Variants in TTC3 observed in about 807,000 individuals in gnomAD.
TTC3 encodes the protein tetratricopeptide repeat domain 3.
TTC3 carries 180 observed loss-of-function variants against 249.6 expected under a neutral mutation model. That is an observed-to-expected ratio of 0.72 (90% CI 0.64 to 0.82). TTC3 has a LOEUF of 0.82. Among genes scored for constraint, TTC3 ranks in the 40% least tolerant of loss-of-function variants. The pLI, the probability that TTC3 is intolerant of heterozygous loss-of-function variation, is 0.00. For missense variants in TTC3, 2,061 were observed against 2,398.4 expected, an observed-to-expected ratio of 0.86 and a Z score of 2.94; for synonymous variants, 717 against 805.0, an observed-to-expected ratio of 0.89 and a Z score of 1.85.
intron 17 of TTC3, among the ~76,000 whole-genome samples, chr21:37,134,774 G>A (rs1195078204): frequency 6.6e-6 from 1 of 152,174 alleles, no homozygotes; most frequent in African/African-American, 2.4e-5. Flanking sequence ...AAGGGCACAT[G>A]ATAGCAATTT....
intron 14 of TTC3, among the ~76,000 whole-genome samples, chr21:37,125,430 T>G (rs1396081709): frequency 6.6e-6 from 1 of 152,222 alleles, no homozygotes; most frequent in African/African-American, 2.4e-5. Context: ...CTATGCAATT[T>G]ATATGTCAAT....
At chr21:37,089,846 G>T (rs959675804) in intron 5 of TTC3, among the ~76,000 whole-genome samples, 1 of 152,068 alleles carries the variant, frequency 6.6e-6, no homozygotes, top group African/African-American at 2.4e-5. Flanking sequence ...TAGCCGGGTG[G>T]TAGTGGCACG....
chr21:37,197,990 A>G (rs2085102845), exon 44 of TTC3: 1 of 1,613,686 alleles, frequency 6.2e-7, no homozygotes, highest in African/African-American at 1.3e-5. Context: ...ACCCAAAACC[A>G]AGGGGCAGAA....
At chr21:37,111,608 T>C (rs1314757349) in intron 11 of TTC3, among the ~76,000 whole-genome samples, 2 of 152,188 alleles carry the variant, frequency 1.3e-5, no homozygotes, top group Non-Finnish European at 2.9e-5. Flanking sequence ...TGGGAGACTT[T>C]AACACCCCAC....
exon 25 of TTC3, chr21:37,150,871 C>G (rs1233129077): frequency 1.2e-6 from 2 of 1,607,360 alleles, no homozygotes; most frequent in East Asian, 4.5e-5. Flanking sequence ...TATTCTGAAA[C>G]AGAAATGTTC....
intron 7 of TTC3, among the ~76,000 whole-genome samples, chr21:37,092,348 G>A (rs1416658593): frequency 6.6e-6 from 1 of 152,140 alleles, no homozygotes; most frequent in Non-Finnish European, 1.5e-5. Flanking sequence ...TAGACACTGG[G>A]GTGTATTACA....
At chr21:37,112,821 C>T (rs957690198) in intron 11 of TTC3, among the ~76,000 whole-genome samples, 1 of 152,172 alleles carries the variant, frequency 6.6e-6, no homozygotes, top group Non-Finnish European at 1.5e-5. Flanking sequence ...AATCCAGCAA[C>T]ACATCAAAAA....
intron 10 of TTC3, among the ~76,000 whole-genome samples, chr21:37,097,750 C>T (rs1273886962): frequency 6.6e-6 from 1 of 151,696 alleles, no homozygotes; most frequent in Non-Finnish European, 1.5e-5. Flanking sequence ...TTGGGTTTCA[C>T]AAATACTTTT....
intron 41 of TTC3, among the ~76,000 whole-genome samples, chr21:37,193,365 G>A (rs1419777477): frequency 2.7e-5 from 4 of 149,632 alleles, no homozygotes; most frequent in East Asian, 2.0e-4. Context: ...GAATTCATCT[G>A]AAAAAAAAAA....
chr21:37,189,461 GT>G lies in TTC3; in HGVS notation c.5024+867del, dbSNP rs1421726274. 2.0e-5 allele frequency among the ~76,000 whole-genome samples: 3 copies of G among 152,170 alleles called. No homozygotes were observed. The East Asian group carries it at 5.8e-4, about 29-fold the overall frequency. On this transcript the variant is annotated intron_variant, in intron 39 of 45. Coordinates refer to ENST00000355666, the Ensembl canonical transcript of TTC3. ...GGGTTTCACCATGTTAGCCAGGATGGTCTCTATCTCCTGACCTCGTGATCCA... is the reference window on the plus strand; with the variant it reads ...GGGTTTCACCATGTTAGCCAGGATGGCTCTATCTCCTGACCTCGTGATCCA...
intron 11 of TTC3, among the ~76,000 whole-genome samples, chr21:37,108,972 T>C (rs1039918349): frequency 6.6e-6 from 1 of 152,110 alleles, no homozygotes; most frequent in African/African-American, 2.4e-5. Context: ...ACATAATTCC[T>C]AAAGTAAATA....
At chr21:37,156,675 T>G in exon 28 of TTC3, 1 of 1,612,498 alleles carries the variant, frequency 6.2e-7, no homozygotes, top group Non-Finnish European at 8.5e-7. Flanking sequence ...CACAGGAACT[T>G]TCTTTTCTCG....
chr21:37,114,154 A>G (rs2075919117), intron 11 of TTC3, among the ~76,000 whole-genome samples: 1 of 152,184 alleles, frequency 6.6e-6, no homozygotes, highest in Admixed American at 6.5e-5. Context: ...TAAAACACCA[A>G]AAGCAATGGC....
intron 39 of TTC3, among the ~76,000 whole-genome samples, chr21:37,188,889 G>A (rs771934874): frequency 2.0e-4 from 30 of 151,950 alleles, no homozygotes; most frequent in Non-Finnish European, 3.1e-4. Context: ...TTTCATATTG[G>A]TAATTACATA....
At chr21:37,166,709 G>T in intron 33 of TTC3, 94 bp downstream of exon 33, 2 of 1,450,980 alleles carry the variant, frequency 1.4e-6, no homozygotes, top group Non-Finnish European at 1.8e-6. Flanking sequence ...CCTTAAAGTT[G>T]ATTGACTTTA....
intron 19 of TTC3, 45 bp downstream of exon 19, chr21:37,138,759 CAT>C: frequency 1.5e-6 from 2 of 1,302,670 alleles, no homozygotes; most frequent in Non-Finnish European, 2.2e-6. Flanking sequence ...ATGATATTGA[CAT>C]ATCTTATAAA....
intron 16 of TTC3, 52 bp from the exon 17 acceptor site, chr21:37,132,630 G>C: frequency 6.9e-7 from 1 of 1,456,184 alleles, no homozygotes; most frequent in Non-Finnish European, 9.3e-7. Context: ...TTCTTTATAT[G>C]AGTAGAACTT....
chr21:37,097,523 T>G (rs1392080192), intron 10 of TTC3, among the ~76,000 whole-genome samples: 1 of 152,200 alleles, frequency 6.6e-6, no homozygotes, highest in African/African-American at 2.4e-5. Context: ...CATATTTGCC[T>G]CTGACCTTCA....
intron 35 of TTC3, among the ~76,000 whole-genome samples, chr21:37,180,639 T>C (rs1011878214): frequency 9.8e-5 from 14 of 142,902 alleles, no homozygotes; most frequent in African/African-American, 2.3e-4. Context: ...AGGGATAGCA[T>C]TGGGAGATAT....
Sources: allele counts gnomAD v4.1 joint callset (sites outside exome capture counted in the v4.1 genomes callset), GRCh38; gene constraint gnomAD v4.1.1; transcripts MANE v1.5; gene names NCBI Gene and HGNC (gene_info 2026-07-23, HGNC 2026-07-21).